The following PDE10A variants were observed in gnomAD, a reference collection of about 807,000 sequenced individuals.
The protein encoded by PDE10A is phosphodiesterase 10A.
A neutral mutation model predicts 97.7 loss-of-function variants in PDE10A; 39 were observed. That is an observed-to-expected ratio of 0.40 (90% CI 0.31 to 0.52). PDE10A has a LOEUF of 0.52. Among genes scored for constraint, PDE10A ranks in the 20% least tolerant of loss-of-function variants. The pLI is 0.56. For synonymous variants in PDE10A, 371 were observed against 376.8 expected, an observed-to-expected ratio of 0.98 and a Z score of 0.18; for missense variants, 731 against 1,047.8, an observed-to-expected ratio of 0.70 and a Z score of 4.17.
rs150042860 is a variant in PDE10A at position 165,825,372 on chromosome 6, G to A, written c.-615+162157C>T. Reference sequence around the variant, plus strand: ...TTTTAATTGCACCATAAAGGATGGCGTGATCTGAGGGCCCCGTTAAGTCAT... The same window carrying A: ...TTTTAATTGCACCATAAAGGATGGCATGATCTGAGGGCCCCGTTAAGTCAT... On this transcript the variant is annotated intron_variant, in intron 1 of 19. Transcript: ENST00000366882. 4.6e-5 allele frequency among the ~76,000 whole-genome samples: 7 copies of A among 152,172 alleles called. No individual in the cohort carries two copies. In the East Asian group the frequency reaches 7.8e-4, roughly 17 times the overall value.
chr6:165,682,324 G>A (rs1396719141), intron 1 of PDE10A, among the ~76,000 whole-genome samples: 2 of 152,036 alleles, frequency 1.3e-5, no homozygotes, highest in Non-Finnish European at 2.9e-5. Flanking sequence ...GGTAGGGCTG[G>A]GGTCTTGCCA....
chr6:165,728,089 T>C (rs1320462357), intron 1 of PDE10A, among the ~76,000 whole-genome samples: 1 of 152,094 alleles, frequency 6.6e-6, no homozygotes, highest in African/African-American at 2.4e-5. Context: ...TTTCAGACAA[T>C]GTTAGAGTGA....
chr6:165,586,541 G>A (rs986993270), intron 1 of PDE10A, among the ~76,000 whole-genome samples: 5 of 152,008 alleles, frequency 3.3e-5, no homozygotes, highest in Admixed American at 6.6e-5. Context: ...TATATCAAAA[G>A]GCCTAAAAGA....
intron 1 of PDE10A, among the ~76,000 whole-genome samples, chr6:165,599,539 C>T (rs1786810276): frequency 6.6e-6 from 1 of 152,162 alleles, no homozygotes; most frequent in Non-Finnish European, 1.5e-5. Context: ...TCACTTAACC[C>T]AGGACAATTA....
intron 2 of PDE10A, among the ~76,000 whole-genome samples, chr6:165,482,714 C>T (rs553991605): frequency 6.6e-6 from 1 of 152,290 alleles, no homozygotes. Context: ...CCCAAATGAC[C>T]TTTAACACTC....
rs571047 is a variant in PDE10A, at chr6:165,332,950, C to A, written c.*75G>T. Reference sequence around the variant, plus strand: ...AGGTGCAGGTTCCCCCCACCCCCCCCAAAAAAAGGAAAAGAATGTCAAAGA... The same window carrying A: ...AGGTGCAGGTTCCCCCCACCCCCCCAAAAAAAAGGAAAAGAATGTCAAAGA... On this transcript the variant is annotated 3_prime_UTR_variant, in exon 22 of 22. Coordinates refer to ENST00000539869, the MANE Select transcript of PDE10A (RefSeq NM_001385079.1). The A allele has an allele frequency of 0.15, 98,678 of 664,180 alleles. 8,326 individuals are homozygous for A. The highest frequency in any genetic ancestry group is 0.26 in the African/African-American group (13,496 of 51,154). The allele number at this position is 664,180 out of a possible 1,614,324, so 41.1% of individuals were successfully genotyped here.
At chr6:165,557,012 G>A (rs553245051) in intron 1 of PDE10A, among the ~76,000 whole-genome samples, 65 of 152,094 alleles carry the variant, frequency 4.3e-4, no homozygotes, top group Admixed American at 1.0e-3. Context: ...GGTGGCATGC[G>A]CCTGTCATTC....
intron 1 of PDE10A, among the ~76,000 whole-genome samples, chr6:165,562,525 CAT>C (rs749692918): frequency 2.6e-4 from 40 of 152,248 alleles, no homozygotes; most frequent in Non-Finnish European, 4.6e-4. Flanking sequence ...TTCTTCAAGA[CAT>C]GTTTGATTAT....
intron 1 of PDE10A, among the ~76,000 whole-genome samples, chr6:165,590,651 C>T (rs527521728): frequency 1.3e-5 from 2 of 152,176 alleles, no homozygotes; most frequent in East Asian, 1.9e-4. Flanking sequence ...CAGCCGTTTG[C>T]GAGGCCGAGG....
intron 3 of PDE10A, 35 bp downstream of exon 3, chr6:165,482,280 A>C: frequency 3.0e-6 from 4 of 1,339,024 alleles, no homozygotes; most frequent in Non-Finnish European, 4.3e-6. Context: ...CATTTCCTAT[A>C]CTGCAGTAGT....
chr6:165,332,795 T>C lies in PDE10A; in HGVS notation c.*230A>G. ...CAAATGGAGTCACTTGGCCAGCTGA[T>C]TTCTGAACGTGGGGGTGGTCCTGGT... On this transcript the variant is annotated 3_prime_UTR_variant, in exon 22 of 22. Transcript: ENST00000539869. 1.5e-5 allele frequency: 7 copies of C among 481,890 alleles called. 1 individual carries two copies. In the South Asian group the frequency reaches 2.3e-4, roughly 16 times the overall value. The allele number at this position is 481,890 out of a possible 1,614,324, so 29.9% of individuals were successfully genotyped here.
chr6:165,485,209 C>G (rs568376471), intron 2 of PDE10A, among the ~76,000 whole-genome samples: 16 of 152,224 alleles, frequency 1.1e-4, no homozygotes, highest in African/African-American at 3.8e-4. Context: ...CGGTGGCTCA[C>G]GCCTGTAATC....
chr6:165,659,817 A>G (rs1790146116), intron 1 of PDE10A, among the ~76,000 whole-genome samples: 2 of 152,162 alleles, frequency 1.3e-5, no homozygotes, highest in Non-Finnish European at 2.9e-5. Context: ...GCCTGCTACG[A>G]ATCCCGAGAG....
At chr6:165,496,686 C>T (rs756982941) in intron 2 of PDE10A, among the ~76,000 whole-genome samples, 1 of 152,114 alleles carries the variant, frequency 6.6e-6, no homozygotes, top group Non-Finnish European at 1.5e-5. Flanking sequence ...TTTTACATTA[C>T]TGAAAAATAA....
At chr6:165,357,948 G>C (rs992108949) in intron 18 of PDE10A, among the ~76,000 whole-genome samples, 1 of 151,998 alleles carries the variant, frequency 6.6e-6, no homozygotes, top group Admixed American at 6.6e-5. Context: ...CATACACATT[G>C]AAAGTTATAC....
At chr6:165,663,849 C>A (rs1449756859), upstream of PDE10A, among the ~76,000 whole-genome samples, 1 of 152,216 alleles carries the variant, frequency 6.6e-6, no homozygotes, top group African/African-American at 2.4e-5. Context: ...CTCTTGGACA[C>A]CCCCACCCCC....
intron 5 of PDE10A, among the ~76,000 whole-genome samples, chr6:165,447,443 T>C (rs221751): frequency 0.77 from 117,753 of 152,146 alleles, 45,926 homozygotes; most frequent in Middle Eastern, 0.9. Flanking sequence ...GGATAAGGGG[T>C]TGGAGGTGAG....
At chr6:165,373,865 A>G (rs555339613) in intron 18 of PDE10A, among the ~76,000 whole-genome samples, 1 of 151,920 alleles carries the variant, frequency 6.6e-6, no homozygotes, top group South Asian at 2.1e-4. Flanking sequence ...GATTAAGAAA[A>G]TGTGGCACAT....
At chr6:165,374,466 T>C (rs558130066) in intron 18 of PDE10A, among the ~76,000 whole-genome samples, 1 of 151,914 alleles carries the variant, frequency 6.6e-6, no homozygotes, top group Non-Finnish European at 1.5e-5. Context: ...AGCTGATATA[T>C]AAAAAAGTAA....
Sources: gnomAD v4.1 joint callset for allele counts (sites outside exome capture counted in the v4.1 genomes callset) on GRCh38, gnomAD v4.1.1 for gene constraint, MANE v1.5 for transcripts, NCBI Gene and HGNC (gene_info 2026-07-23, HGNC 2026-07-21) for gene names.